SORCS3: variants seen among roughly 807,000 people sequenced by gnomAD.
SORCS3 encodes the protein sortilin related VPS10 domain containing receptor 3.
SORCS3 carries 57 observed loss-of-function variants against 146.3 expected under a neutral mutation model. The observed-to-expected ratio is 0.39, with a 90% confidence interval of 0.31 to 0.49. SORCS3 has a LOEUF of 0.49. SORCS3 is among the 20% of genes least tolerant of loss of function. The pLI is 0.92. For missense variants in SORCS3, 1,341 were observed against 1,575.5 expected, an observed-to-expected ratio of 0.85 and a Z score of 2.52; for synonymous variants, 653 against 618.5, an observed-to-expected ratio of 1.06 and a Z score of -0.83.
chr10:105,127,661 A>G (rs1165766307), intron 7 of SORCS3, among the ~76,000 whole-genome samples: 1 of 152,174 alleles, frequency 6.6e-6, no homozygotes, highest in East Asian at 1.9e-4. Flanking sequence ...TAAGAACATT[A>G]TCTACCCTCA....
intron 1 of SORCS3, 93 bp from the exon 2 acceptor site, chr10:104,842,699 G>A: frequency 1.1e-6 from 1 of 924,428 alleles, no homozygotes; most frequent in Non-Finnish European, 1.8e-6. Context: ...GGTGATAGGA[G>A]ATGCATTATA....
At chr10:104,757,597 T>C (rs2017069107) in intron 1 of SORCS3, among the ~76,000 whole-genome samples, 1 of 152,156 alleles carries the variant, frequency 6.6e-6, no homozygotes, top group South Asian at 2.1e-4. Flanking sequence ...AGGGCTGCTG[T>C]TTTATTGTTG....
intron 6 of SORCS3, among the ~76,000 whole-genome samples, chr10:105,095,968 G>A (rs1393628555): frequency 2.6e-5 from 4 of 152,076 alleles, no homozygotes; most frequent in African/African-American, 9.7e-5. Context: ...TGGCATCTAC[G>A]CAAATATTAA....
chr10:105,044,700 T>TG (rs1480084783), intron 5 of SORCS3, among the ~76,000 whole-genome samples: 19 of 151,810 alleles, frequency 1.3e-4, no homozygotes, highest in African/African-American at 4.4e-4. Context: ...TTTTTTTTGT[T>TG]TTGTTGTTTT....
At chr10:104,994,556 C>T (rs541524246) in intron 4 of SORCS3, among the ~76,000 whole-genome samples, 2 of 152,260 alleles carry the variant, frequency 1.3e-5, no homozygotes, top group East Asian at 1.9e-4. Context: ...TGAGCAAATC[C>T]GTCACCTTCA....
intron 2 of SORCS3, among the ~76,000 whole-genome samples, chr10:104,888,626 C>T (rs2018717657): frequency 6.6e-6 from 1 of 152,148 alleles, no homozygotes. Flanking sequence ...TAGATTACCT[C>T]CATCTAAGTC....
At chr10:104,968,260 C>T (rs1351737140) in intron 3 of SORCS3, among the ~76,000 whole-genome samples, 1 of 152,110 alleles carries the variant, frequency 6.6e-6, no homozygotes, top group Non-Finnish European at 1.5e-5. Flanking sequence ...GGATTACAGG[C>T]ACATGCCACC....
At chr10:105,066,620 G>A (rs925838512) in intron 5 of SORCS3, among the ~76,000 whole-genome samples, 1 of 152,090 alleles carries the variant, frequency 6.6e-6, no homozygotes, top group African/African-American at 2.4e-5. Context: ...TGTCATTCTG[G>A]AAGAAAGAGA....
chr10:105,129,981 A>G (rs1450665043), intron 7 of SORCS3, among the ~76,000 whole-genome samples: 2 of 152,254 alleles, frequency 1.3e-5, no homozygotes, highest in East Asian at 1.9e-4. Flanking sequence ...AACTGCCACC[A>G]TAGTCAGTCT....
intron 1 of SORCS3, among the ~76,000 whole-genome samples, chr10:104,683,585 T>G (rs1475055856): frequency 1.3e-5 from 2 of 152,218 alleles, no homozygotes; most frequent in African/African-American, 4.8e-5. Flanking sequence ...GCTCATTGTA[T>G]AGATGCTGTG....
At chr10:105,211,483 G>A (rs1202333993) in intron 17 of SORCS3, among the ~76,000 whole-genome samples, 1 of 152,168 alleles carries the variant, frequency 6.6e-6, no homozygotes, top group Non-Finnish European at 1.5e-5. Context: ...GCTTATGATA[G>A]ACCATAGTTA....
In SORCS3 at chr10:105,252,876, G is replaced by C. The variant is rs755599191; in HGVS notation, c.3207G>C (p.Arg1069Ser). 26 of 1,613,724 alleles carry C rather than the reference G, an allele frequency of 1.6e-5. No individual in the cohort carries two copies. Among genetic ancestry groups the C allele is most frequent in the Non-Finnish European group, 2.1e-5 (25 of 1,179,910 alleles). The change falls in exon 23 of 27, where the codon AGG (arginine) becomes AGC (serine). Residue 1069 changes from arginine (R) to serine (S), a missense_variant. By Grantham distance (110) the Arg-to-Ser change is moderately radical. Coordinates refer to ENST00000369701, the MANE Select transcript of SORCS3 (RefSeq NM_014978.3). ...TTCCACCCAAGAACCTGACAGAGAGGAGGAAAGGCAATGAAGGGGACCTGG... is the reference window on the plus strand; with the variant it reads ...TTCCACCCAAGAACCTGACAGAGAGCAGGAAAGGCAATGAAGGGGACCTGG... ...FILPPKNLTERRKGNEGDLEQ... is the reference protein window; with the variant it reads ...FILPPKNLTESRKGNEGDLEQ...
chr10:104,690,643 A>G (rs1261760226), intron 1 of SORCS3, among the ~76,000 whole-genome samples: 4 of 152,128 alleles, frequency 2.6e-5, no homozygotes, highest in East Asian at 1.9e-4. Context: ...CACTGTACAA[A>G]CAGAAGCCCT....
chr10:105,155,337 G>A lies in SORCS3; in HGVS notation c.1483-1801G>A, dbSNP rs149846372. Reference sequence around the variant, plus strand: ...GCCGCTCCCCAGGAAAAACTGAACCGGGGTCAAGGTGTCTGAGTCTGATCC... The same window carrying A: ...GCCGCTCCCCAGGAAAAACTGAACCAGGGTCAAGGTGTCTGAGTCTGATCC... On this transcript the variant is annotated intron_variant, in intron 9 of 26. Transcript: ENST00000369701. 2.3e-3 allele frequency among the ~76,000 whole-genome samples: 357 copies of A among 152,292 alleles called. 1 individual carries two copies. The highest frequency in any genetic ancestry group is 3.7e-3 in the Non-Finnish European group (251 of 68,026).
At chr10:104,811,100 C>G (rs2017735673) in intron 1 of SORCS3, among the ~76,000 whole-genome samples, 2 of 152,104 alleles carry the variant, frequency 1.3e-5, no homozygotes, top group Admixed American at 1.3e-4. Context: ...AATTATAACA[C>G]AAAACAACAT....
intron 1 of SORCS3, chr10:104,822,244 C>T: frequency 2.8e-6 from 1 of 354,402 alleles, no homozygotes; most frequent in South Asian, 2.2e-5. Flanking sequence ...ATTGTTTAGA[C>T]CAGAGTCAAC....
At chr10:105,072,756 G>T (rs1370375860) in intron 5 of SORCS3, among the ~76,000 whole-genome samples, 1 of 140,760 alleles carries the variant, frequency 7.1e-6, no homozygotes, top group Non-Finnish European at 1.5e-5. Flanking sequence ...GTTTCCCCCC[G>T]TAGCCAGATG....
chr10:105,122,607 T>A (rs73350043), intron 7 of SORCS3, among the ~76,000 whole-genome samples: 11,692 of 152,306 alleles, frequency 0.077, 575 homozygotes, highest in Middle Eastern at 0.12. Flanking sequence ...CATGTGATAG[T>A]CACAAGACGG....
intron 4 of SORCS3, among the ~76,000 whole-genome samples, chr10:104,996,069 G>A (rs1236444391): frequency 1.3e-5 from 2 of 152,178 alleles, no homozygotes; most frequent in East Asian, 3.9e-4. Context: ...GGCCATATAT[G>A]TGTGGGCTCT....
Sources: gnomAD v4.1 joint callset for allele counts (sites outside exome capture counted in the v4.1 genomes callset) on GRCh38, gnomAD v4.1.1 for gene constraint, MANE v1.5 for transcripts, NCBI Gene and HGNC (gene_info 2026-07-23, HGNC 2026-07-21) for gene names.